SETD2: variants seen among roughly 807,000 people sequenced by gnomAD.
The protein encoded by SETD2 is histone-lysine N-methyltransferase SETD2.
A neutral mutation model predicts 242.1 loss-of-function variants in SETD2; 31 were observed. The ratio of observed to expected loss-of-function variants is 0.13; its 90% CI spans 0.10 to 0.17. The LOEUF (loss-of-function observed/expected upper bound fraction) is 0.17. Among genes scored for constraint, SETD2 ranks in the 10% least tolerant of loss-of-function variants. The probability of loss-of-function intolerance (pLI) is 1.00; values close to 1 mark genes in which losing one functional copy is unlikely to be tolerated. For missense variants in SETD2, 2,481 were observed against 3,046.3 expected (o/e 0.81, Z 4.37); for synonymous variants, 1,006 against 1,066.5 (o/e 0.94, Z 1.11).
rs562273195 is a variant in SETD2, at chr3:47,148,804, G to C, written c.71+15050C>G. On this transcript the variant is annotated intron_variant, in intron 1 of 20. Coordinates refer to ENST00000409792, the MANE Select transcript of SETD2 (RefSeq NM_014159.7). Reference sequence around the variant, plus strand: ...AGGCCAGGCACGGTGGCTCACGCCTGTAATCCCAGCACTTTGGGAGGCTGA... The same window carrying C: ...AGGCCAGGCACGGTGGCTCACGCCTCTAATCCCAGCACTTTGGGAGGCTGA... Among the ~76,000 whole-genome samples, 6 of 152,312 alleles carry C rather than the reference G, an allele frequency of 3.9e-5. No individual in the cohort carries two copies. In the East Asian group the frequency reaches 1.2e-3, roughly 29 times the overall value.
intron 1 of SETD2, among the ~76,000 whole-genome samples, chr3:47,157,278 C>CAAAAAA: frequency 6.6e-6 from 1 of 152,056 alleles, no homozygotes; most frequent in South Asian, 2.1e-4. Context: ...AAAAATTAGC[C>CAAAAAA]AGGAGTGGTG....
Position 47,088,000 on chromosome 3 carries a change from TAAATAAATA to T in SETD2, c.5277+104_5277+112del, listed in dbSNP as rs1190732448. ...ACAAACAAACAAACAAACAAATAAA[TAAATAAATA>T]AAATAAGACTAACTCTTATCAGAAT... is the stretch of plus-strand genomic sequence containing the variant. On this transcript the variant is annotated intron_variant, in intron 10 of 20. Transcript: ENST00000409792. The T allele has an allele frequency of 2.8e-6, 3 of 1,090,008 alleles. No individual in the cohort carries two copies. In the Admixed American group the frequency reaches 8.0e-5, roughly 29 times the overall value. The allele number at this position is 1,090,008 out of a possible 1,614,324, so 67.5% of individuals were successfully genotyped here.
chr3:47,088,083 G>C (rs2107650505), intron 10 of SETD2, 30 bp downstream of exon 10: 1 of 1,585,692 alleles, frequency 6.3e-7, no homozygotes. Context: ...CACAAAACCA[G>C]AAATAAAAAA....
At chr3:47,021,884 C>T (rs2038235488) in intron 18 of SETD2, among the ~76,000 whole-genome samples, 1 of 152,206 alleles carries the variant, frequency 6.6e-6, no homozygotes, top group Admixed American at 6.5e-5. Context: ...TGTGGTGGCT[C>T]ACGCCTGTAA....
At chr3:47,058,446 A>AC (rs2040174286) in intron 14 of SETD2, among the ~76,000 whole-genome samples, 4 of 147,772 alleles carry the variant, frequency 2.7e-5, no homozygotes, top group African/African-American at 1.0e-4. Context: ...GTCTCAAAAA[A>AC]AAAAAAAAAA....
chr3:47,038,584 C>G (rs765152211), intron 17 of SETD2, among the ~76,000 whole-genome samples: 1 of 151,782 alleles, frequency 6.6e-6, no homozygotes, highest in Non-Finnish European at 1.5e-5. Flanking sequence ...CATTGCACTC[C>G]AGCCTGGGCA....
At chr3:47,090,298 T>A (rs2041744955) in intron 9 of SETD2, among the ~76,000 whole-genome samples, 1 of 151,998 alleles carries the variant, frequency 6.6e-6, no homozygotes, top group African/African-American at 2.4e-5. Flanking sequence ...GATTAGAAGA[T>A]CTCAATTTAA....
At chr3:47,147,896 C>T (rs1170363242) in intron 1 of SETD2, among the ~76,000 whole-genome samples, 2 of 126,410 alleles carry the variant, frequency 1.6e-5, no homozygotes, top group Admixed American at 9.9e-5. Context: ...CCAGCCTGGG[C>T]GACAGAGCAA....
chr3:47,049,729 G>A (rs1212948344), intron 15 of SETD2, among the ~76,000 whole-genome samples: 1 of 143,150 alleles, frequency 7.0e-6, no homozygotes, highest in Non-Finnish European at 1.5e-5. Flanking sequence ...AACTTATTCT[G>A]AGTTTATATT....
In SETD2 at chr3:47,120,562, T is replaced by C. The variant is rs908737172; in HGVS notation, c.4074A>G (p.Leu1358=). The part of the protein sequence containing the change: ...HFSDQSDKFL[L]SLQKDKGSVQ... Reference sequence around the variant, plus strand: ...CTGACCCCTTGTCTTTCTGAAGGGATAGAAGAAATTTATCGGACTGGTCTG... The same window carrying C: ...CTGACCCCTTGTCTTTCTGAAGGGACAGAAGAAATTTATCGGACTGGTCTG... Residue 1358 remains leucine, a synonymous_variant, in exon 3 of 21, where the codon CTA becomes CTG. Transcript: ENST00000409792. The C allele has an allele frequency of 2.5e-6, 4 of 1,614,208 alleles. No homozygotes were observed. The highest frequency in any genetic ancestry group is 1.3e-5 in the African/African-American group (1 of 75,068).
chr3:47,119,647 C>A (rs948403215), intron 3 of SETD2: 5 of 331,578 alleles, frequency 1.5e-5, no homozygotes, highest in Non-Finnish European at 2.4e-5. Flanking sequence ...CTTTTGCCTC[C>A]TGCCGCAATT....
chr3:47,162,207 T>C (rs1257395212), intron 1 of SETD2, among the ~76,000 whole-genome samples: 2 of 152,198 alleles, frequency 1.3e-5, no homozygotes, highest in Admixed American at 1.3e-4. Flanking sequence ...AAGCAGGCAC[T>C]TAGCCTATTC....
At chr3:47,137,229 T>C (rs927906393) in intron 1 of SETD2, among the ~76,000 whole-genome samples, 20 of 152,140 alleles carry the variant, frequency 1.3e-4, no homozygotes, top group Non-Finnish European at 2.6e-4. Context: ...GGTCTTACTC[T>C]GTCGCCAGGC....
chr3:47,042,566 G>A lies in SETD2; in HGVS notation c.7233C>T (p.Ile2411=), dbSNP rs753749527. 6.2e-7 allele frequency: 1 copy of A among 1,614,016 alleles called. No homozygotes were observed. Among genetic ancestry groups the A allele is most frequent in the East Asian group, 2.2e-5 (1 of 44,864 alleles). ...PEGKIYYYHV[I]TRQTQWDPPT... is the part of the protein sequence containing the mutation. ...GCCCATACAGCTCCTCTTACCTTGT[G>A]ATCACATGGTAGTAATAAATCTTCC... Residue 2411 remains isoleucine, a synonymous_variant, in exon 17 of 21, where the codon ATC becomes ATT. Coordinates refer to ENST00000409792, the MANE Select transcript of SETD2 (RefSeq NM_014159.7).
At chr3:47,048,452 C>A (rs1053961696) in intron 15 of SETD2, among the ~76,000 whole-genome samples, 1 of 152,028 alleles carries the variant, frequency 6.6e-6, no homozygotes, top group Admixed American at 6.6e-5. Flanking sequence ...GCTTGCAGGA[C>A]TGGAAGTTGC....
chr3:47,148,400 G>A lies in SETD2; in HGVS notation c.71+15454C>T, dbSNP rs140894249. 3.3e-5 allele frequency among the ~76,000 whole-genome samples: 5 copies of A among 152,108 alleles called. No individual in the cohort carries two copies. In the East Asian group the frequency reaches 5.8e-4, roughly 18 times the overall value. On this transcript the variant is annotated intron_variant, in intron 1 of 20. Coordinates refer to ENST00000409792, the MANE Select transcript of SETD2 (RefSeq NM_014159.7). ...CCCACCTCAGCCTCCCAAAGTGCTCGGATTACAGACATGAGCCACTGTGCC... is the reference window on the plus strand; with the variant it reads ...CCCACCTCAGCCTCCCAAAGTGCTCAGATTACAGACATGAGCCACTGTGCC...
In SETD2 at chr3:47,036,356, GC is replaced by G. The variant is rs1302961464; in HGVS notation, c.7350+1309del. ...GATTGCTTGAGGTCAGGAGTTCAAGGCCAGCCTGGGCAACACGATAAAACCT... is the reference window on the plus strand; with the variant it reads ...GATTGCTTGAGGTCAGGAGTTCAAGGCAGCCTGGGCAACACGATAAAACCT... On this transcript the variant is annotated intron_variant, in intron 18 of 20. Coordinates refer to ENST00000409792, the MANE Select transcript of SETD2 (RefSeq NM_014159.7). Among the ~76,000 whole-genome samples the G allele has an allele frequency of 3.3e-5, 5 of 151,962 alleles. No homozygotes were observed. The East Asian group carries it at 9.7e-4, about 29-fold the overall frequency.
Position 47,164,095 on chromosome 3 carries a change from C to T in SETD2, c.-171G>A. The T allele has an allele frequency of 8.9e-7, 1 of 1,129,540 alleles. No homozygotes were observed. Among genetic ancestry groups the T allele is most frequent in the East Asian group, 3.6e-5 (1 of 28,108 alleles). The allele number at this position is 1,129,540 out of a possible 1,614,324, so 70.0% of individuals were successfully genotyped here. A position where few individuals can be genotyped will look rare whatever the true frequency, so the allele number is the denominator to read the frequency against. On this transcript the variant is annotated 5_prime_UTR_variant, in exon 1 of 21. Coordinates refer to ENST00000409792, the MANE Select transcript of SETD2 (RefSeq NM_014159.7). The surrounding 1 kb of genome is among the most constrained non-coding windows in gnomAD (Gnocchi z 5.4). ...CTCGTCGCTCCCTCCCTCCCTCGGA[C>T]GCCCGCCAGCCGCTCTCTCCCTCTC...
At chr3:47,086,832 A>C (rs1314820265) in intron 10 of SETD2, among the ~76,000 whole-genome samples, 1 of 151,952 alleles carries the variant, frequency 6.6e-6, no homozygotes, top group Non-Finnish European at 1.5e-5. Context: ...CCAGGAGTTC[A>C]AAACCAGCCT....
Sources: allele counts gnomAD v4.1 joint callset (sites outside exome capture counted in the v4.1 genomes callset), GRCh38; gene constraint gnomAD v4.1.1; non-coding constraint Gnocchi (gnomAD v3.1); transcripts MANE v1.5; gene names NCBI Gene and HGNC (gene_info 2026-07-23, HGNC 2026-07-21).